Variants in PCNT observed in about 807,000 individuals in gnomAD.
PCNT encodes kendrin.
A neutral mutation model predicts 380.4 loss-of-function variants in PCNT; 319 were observed. That is an observed-to-expected ratio of 0.84 (90% confidence interval 0.77 to 0.92). The LOEUF (loss-of-function observed/expected upper bound fraction) is 0.92. Among genes scored for constraint, PCNT ranks in the 40% least tolerant of loss-of-function variants. PCNT has a pLI of 0.00. For missense variants in PCNT, 4,400 were observed against 4,255.3 expected, an observed-to-expected ratio of 1.03 and a Z score of -0.95; for synonymous variants, 1,845 against 1,735.2, an observed-to-expected ratio of 1.06 and a Z score of -1.57.
At chr21:46,335,033 C>G (rs2083688159) in intron 3 of PCNT, among the ~76,000 whole-genome samples, 1 of 152,174 alleles carries the variant, frequency 6.6e-6, no homozygotes, top group African/African-American at 2.4e-5. Context: ...TGTGATCTTC[C>G]TTTTTTGTTT....
Position 46,388,838 on chromosome 21 carries a change from G to T in PCNT, c.3561G>T (p.Val1187=). 1.2e-6 allele frequency: 2 copies of T among 1,611,720 alleles called. No individual in the cohort carries two copies. ...VTLRSRIGER[V]GLCLDDAGAG... ...TGAGGAGCCGGATCGGGGAGCGCGT[G>T]GGGCTCTGCCTGGATGACGCGGGCG... The change falls in exon 18 of 47, where the codon GTG becomes GTT. Residue 1187 remains valine, a synonymous_variant. Coordinates refer to ENST00000359568, the MANE Select transcript of PCNT (RefSeq NM_006031.6). The surrounding 1 kb of genome is among the most constrained non-coding windows in gnomAD (Gnocchi z 4.2).
chr21:46,345,160 G>A (rs997912699), intron 3 of PCNT, among the ~76,000 whole-genome samples: 12 of 152,156 alleles, frequency 7.9e-5, no homozygotes, highest in African/African-American at 2.7e-4. Context: ...TGTTCCTCCC[G>A]TGGCAGCACT....
At chr21:46,420,370 T>C (rs766898839) in intron 31 of PCNT, among the ~76,000 whole-genome samples, 4 of 152,272 alleles carry the variant, frequency 2.6e-5, no homozygotes, top group Non-Finnish European at 5.9e-5. Flanking sequence ...TTTAGAACTT[T>C]ATTTTTCAAC....
chr21:46,430,760 G>GC, intron 37 of PCNT, 103 bp downstream of exon 37: 2 of 1,540,020 alleles, frequency 1.3e-6, no homozygotes, highest in Non-Finnish European at 1.7e-6. Context: ...TCATGGCAGT[G>GC]CACCCAGTTG....
Position 46,372,379 on chromosome 21 carries a change from A to G in PCNT, c.3165+5240A>G, listed in dbSNP as rs375863707. 2.9e-3 allele frequency among the ~76,000 whole-genome samples: 437 copies of G among 152,062 alleles called. 2 individuals carry two copies. The highest frequency in any genetic ancestry group is 4.1e-3 in the Non-Finnish European group (278 of 67,956). On this transcript the variant is annotated intron_variant, in intron 15 of 46. Transcript: ENST00000359568. ...TACACAGCACATGTTCATACAGCAC[A>G]TGCTCATACACGCAGCACATGCACA... is the stretch of plus-strand genomic sequence containing the variant.
At chr21:46,355,695 G>C (rs1211912164) in intron 12 of PCNT, 69 bp downstream of exon 12, 2 of 1,535,252 alleles carry the variant, frequency 1.3e-6, no homozygotes, top group East Asian at 2.3e-5. Flanking sequence ...GGGGAGCCTG[G>C]GTGCCTGGGT....
At chr21:46,397,700 C>G (rs1273014226) in intron 22 of PCNT, among the ~76,000 whole-genome samples, 1 of 152,174 alleles carries the variant, frequency 6.6e-6, no homozygotes, top group East Asian at 1.9e-4. Flanking sequence ...AGGGCCACCT[C>G]CCATGGTCTT....
At chr21:46,419,470 C>T (rs61074731) in intron 31 of PCNT, among the ~76,000 whole-genome samples, 27,214 of 152,218 alleles carry the variant, frequency 0.18, 4,509 homozygotes, top group African/African-American at 0.44. Flanking sequence ...CCTCGCCACA[C>T]GCCCCTTGCT....
chr21:46,353,091 C>T lies in PCNT; in HGVS notation c.1457-13C>T, dbSNP rs751398286. ...CCATTTTAAGACGATTGCCTGACTCCGTTATGTTGCAGAGCTACATGAGCA... is the reference window on the plus strand; with the variant it reads ...CCATTTTAAGACGATTGCCTGACTCTGTTATGTTGCAGAGCTACATGAGCA... On this transcript the variant is annotated splice_polypyrimidine_tract_variant and intron_variant, in intron 9 of 46. Coordinates refer to ENST00000359568, the MANE Select transcript of PCNT (RefSeq NM_006031.6). 15 of 1,608,164 alleles carry T rather than the reference C, an allele frequency of 9.3e-6. No individual in the cohort carries two copies. In the Middle Eastern group the frequency reaches 4.9e-4, roughly 53 times the overall value.
At chr21:46,426,176 G>A (rs534385074) in intron 33 of PCNT, among the ~76,000 whole-genome samples, 3 of 143,180 alleles carry the variant, frequency 2.1e-5, no homozygotes, top group South Asian at 4.4e-4. Flanking sequence ...TGGGATTACA[G>A]GTGCATGCCA....
At chr21:46,353,715 G>GGTGTGTGTGTGTGTGTGTGT (rs72175446) in intron 10 of PCNT, among the ~76,000 whole-genome samples, 2 of 128,962 alleles carry the variant, frequency 1.6e-5, no homozygotes, top group African/African-American at 5.7e-5. Flanking sequence ...CTCTCCTCCA[G>GGTGTGTGTGTGTGTGTGTGT]GTGTGTGTGT....
intron 22 of PCNT, 57 bp downstream of exon 22, chr21:46,397,551 G>A: frequency 7.1e-7 from 1 of 1,407,878 alleles, no homozygotes; most frequent in South Asian, 1.2e-5. Flanking sequence ...GTTACAGCAT[G>A]AACTTCTTTC....
At chr21:46,400,450 G>A (rs918387258) in intron 25 of PCNT, among the ~76,000 whole-genome samples, 3 of 150,190 alleles carry the variant, frequency 2.0e-5, no homozygotes, top group African/African-American at 7.3e-5. Context: ...TTTGATTTTA[G>A]AATTAGTAGT....
chr21:46,335,923 T>C (rs1434456502), intron 3 of PCNT, among the ~76,000 whole-genome samples: 1 of 152,106 alleles, frequency 6.6e-6, no homozygotes, highest in African/African-American at 2.4e-5. Context: ...AGTGATCTGC[T>C]CGTCTCAGCC....
intron 27 of PCNT, among the ~76,000 whole-genome samples, chr21:46,404,248 CAAA>C (rs1409632565): frequency 1.3e-5 from 2 of 152,268 alleles, no homozygotes; most frequent in Admixed American, 6.5e-5. Flanking sequence ...ACAATAACAA[CAAA>C]AAAAATTTTC....
chr21:46,381,958 GTGT>G (rs2085561195), intron 16 of PCNT, 118 bp downstream of exon 16: 3 of 1,139,730 alleles, frequency 2.6e-6, no homozygotes, highest in Middle Eastern at 2.0e-4. Context: ...TGCATTTATA[GTGT>G]TGTACATTCA....
chr21:46,422,996 C>G (rs569507324), intron 32 of PCNT, among the ~76,000 whole-genome samples: 3 of 152,248 alleles, frequency 2.0e-5, no homozygotes, highest in East Asian at 3.9e-4. Flanking sequence ...GCCTATGATC[C>G]CAGCACTTCG....
At chr21:46,336,747 G>A (rs2083748091) in intron 3 of PCNT, among the ~76,000 whole-genome samples, 1 of 152,116 alleles carries the variant, frequency 6.6e-6, no homozygotes, top group African/African-American at 2.4e-5. Context: ...GTGAGGAAGG[G>A]TGTGCCTGGG....
intron 11 of PCNT, among the ~76,000 whole-genome samples, chr21:46,354,627 C>T (rs1208972051): frequency 1.3e-5 from 2 of 152,220 alleles, no homozygotes; most frequent in East Asian, 1.9e-4. Flanking sequence ...GGGGGACACA[C>T]GGGAGGGCAG....
Sources: gnomAD v4.1 joint callset for allele counts (sites outside exome capture counted in the v4.1 genomes callset) on GRCh38, gnomAD v4.1.1 for gene constraint, Gnocchi (gnomAD v3.1) non-coding constraint, MANE v1.5 for transcripts, NCBI Gene and HGNC (gene_info 2026-07-23, HGNC 2026-07-21) for gene names.